The following MLLT6 variants were observed in gnomAD, a reference collection of about 807,000 sequenced individuals.
MLLT6 encodes protein AF-17.
Under a neutral mutation model 103.0 loss-of-function variants are expected in MLLT6, and 22 were observed. The observed-to-expected ratio is 0.21, with a 90% confidence interval of 0.15 to 0.31. The LOEUF (loss-of-function observed/expected upper bound fraction) is 0.31. MLLT6 is among the 10% of genes least tolerant of loss of function. The pLI is 1.00. For missense variants in MLLT6, 1,199 were observed against 1,441.7 expected (o/e 0.83, Z 2.73); for synonymous variants, 606 against 623.5 (o/e 0.97, Z 0.42).
chr17:38,715,891 G>A (rs1905320413), intron 9 of MLLT6, 63 bp downstream of exon 9: 2 of 1,407,284 alleles, frequency 1.4e-6, no homozygotes, highest in Non-Finnish European at 9.7e-7. Context: ...GAGCTTTTCT[G>A]GCAAGGGACT....
At position 38,716,754 on chromosome 17, in the gene MLLT6, G is replaced by A. The variant is rs746782158; in HGVS notation, c.1424G>A (p.Arg475His). Reference protein sequence around the residue: ...EKKHKASKRSRHGPGRPKGSR... With the variant: ...EKKHKASKRSHHGPGRPKGSR... ...AAGCACAAAGCCAGCAAGAGGAGCCGCCATGGGCCAGGCCGTCCCAAGGGC... is the reference window on the plus strand; with the variant it reads ...AAGCACAAAGCCAGCAAGAGGAGCCACCATGGGCCAGGCCGTCCCAAGGGC... Residue 475 changes from arginine (R) to histidine (H), a missense_variant, in exon 10 of 20, where the codon CGC becomes CAC. This residue lies in a region of MLLT6 where 1,034 missense variants were observed against 1,091.5 expected (regional missense o/e 0.95). Transcript: ENST00000621332. This position sits in a 1 kb window ranked among gnomAD's most constrained non-coding sequence, Gnocchi z 5.6. The A allele has an allele frequency of 6.8e-6, 11 of 1,608,402 alleles. No homozygotes were observed. Among genetic ancestry groups the A allele is most frequent in the Admixed American group, 5.1e-5 (3 of 59,072 alleles).
chr17:38,708,536 A>G (rs912809239), intron 4 of MLLT6, among the ~76,000 whole-genome samples: 2 of 152,178 alleles, frequency 1.3e-5, no homozygotes, highest in Non-Finnish European at 2.9e-5. Flanking sequence ...TTTCAGAGCT[A>G]ACCATCCAAG....
chr17:38,712,894 C>T, intron 8 of MLLT6, 105 bp downstream of exon 8: 2 of 807,410 alleles, frequency 2.5e-6, no homozygotes, highest in South Asian at 1.4e-5. Flanking sequence ...GCACCCTCCC[C>T]ACAGCTTCAA....
intron 16 of MLLT6, chr17:38,721,141 G>T: frequency 4.1e-6 from 1 of 243,996 alleles, no homozygotes; most frequent in Non-Finnish European, 8.0e-6. Context: ...TTATTATAGC[G>T]CCTCACACAA....
chr17:38,709,343 C>G lies in MLLT6; in HGVS notation c.458+67C>G. On this transcript the variant is annotated intron_variant, in intron 5 of 19. Transcript: ENST00000621332. This position sits in a 1 kb window ranked among gnomAD's most constrained non-coding sequence, Gnocchi z 4.3. ...TGGATGGCCACTGATCAGGCTCATC[C>G]TAGCTGCTGTCCCTTTGATGGTGGT... is the stretch of plus-strand genomic sequence containing the variant. 6.9e-7 allele frequency: 1 copy of G among 1,448,586 alleles called. No individual in the cohort carries two copies. Among genetic ancestry groups the G allele is most frequent in the Non-Finnish European group, 9.7e-7 (1 of 1,029,266 alleles). The allele number at this position is 1,448,586 out of a possible 1,614,324, so 89.7% of individuals were successfully genotyped here. A position where few individuals can be genotyped will look rare whatever the true frequency, so the allele number is the denominator to read the frequency against.
chr17:38,719,614 T>G, intron 13 of MLLT6, 31 bp downstream of exon 13: 1 of 1,586,666 alleles, frequency 6.3e-7, no homozygotes, highest in Non-Finnish European at 8.6e-7. Context: ...GAGGAGGGGC[T>G]GGGGGCAGGA....
rs1252021577 is a variant in MLLT6, at chr17:38,718,140, C to T, written c.1942+187C>T. ...CTGTAATCCCAGCACTTTGGGAGGC[C>T]GAGGCGGGTGGATCACCTGAGATCA... is the stretch of plus-strand genomic sequence containing the variant. On this transcript the variant is annotated intron_variant, in intron 12 of 19. Transcript: ENST00000621332. The T allele has an allele frequency of 6.0e-5, 30 of 502,536 alleles. No homozygotes were observed. The East Asian group carries it at 1.1e-3, about 18-fold the overall frequency. The allele number at this position is 502,536 out of a possible 1,614,324, so 31.1% of individuals were successfully genotyped here.
At position 38,722,764 on chromosome 17, in the gene MLLT6, C is replaced by T; in HGVS notation, c.2879C>T (p.Thr960Ile). Residue 960 changes from threonine (T) to isoleucine (I), a missense_variant, in exon 18 of 20, where the codon ACC (threonine) becomes ATC (isoleucine). Thr to Ile is a moderately conservative substitution (Grantham distance 89, BLOSUM62 -1). Coordinates refer to ENST00000621332, the MANE Select transcript of MLLT6 (RefSeq NM_005937.4). ...CAGCTCCTGGCCTCCCCGCAGCTGA[C>T]CCCGGTAATGCCCCTCCCTTCCCTG... ...LQQLLASPQLTPEHQTVVYQM... is the reference protein window; with the variant it reads ...LQQLLASPQLIPEHQTVVYQM... The T allele has an allele frequency of 6.2e-7, 1 of 1,608,736 alleles. No homozygotes were observed.
At chr17:38,720,342 C>T (rs925420507) in intron 14 of MLLT6, 30 bp from the exon 15 acceptor site, 38 of 1,566,870 alleles carry the variant, frequency 2.4e-5, no homozygotes, top group Non-Finnish European at 3.1e-5. Context: ...CCCCCTCGCC[C>T]CTCCCTCAGG....
chr17:38,728,612 G>A lies in MLLT6; in HGVS notation c.*3014G>A, dbSNP rs1270516178. 8.6e-6 allele frequency: 2 copies of A among 233,800 alleles called. No homozygotes were observed. Among genetic ancestry groups the A allele is most frequent in the Non-Finnish European group, 1.7e-5 (2 of 118,216 alleles). The allele number at this position is 233,800 out of a possible 1,614,324, so 14.5% of individuals were successfully genotyped here. ...CCAGCGCCAAAGGGACCTGTCTTTA[G>A]GGGTCATTTCAGCCAGCTCCTCCCA... On this transcript the variant is annotated 3_prime_UTR_variant, in exon 20 of 20. Transcript: ENST00000621332.
Position 38,729,470 on chromosome 17 carries a change from G to A in MLLT6, c.*3872G>A, listed in dbSNP as rs2143726504. On this transcript the variant is annotated 3_prime_UTR_variant, in exon 20 of 20. Transcript: ENST00000621332. Reference sequence around the variant, plus strand: ...TGTTCACTTTCTCCAGCTCAACTTGGGACTTGGGTGGTGGGACTGGAGACC... The same window carrying A: ...TGTTCACTTTCTCCAGCTCAACTTGAGACTTGGGTGGTGGGACTGGAGACC... 1 of 233,564 alleles carries A rather than the reference G, an allele frequency of 4.3e-6. No individual in the cohort carries two copies. The highest frequency in any genetic ancestry group is 1.8e-4 in the South Asian group (1 of 5,522). 14.5% of individuals were successfully genotyped at this position (233,564 alleles called of 1,614,324 possible).
At position 38,715,613 on chromosome 17, in the gene MLLT6, TCTC is replaced by T. The variant is rs755145223; in HGVS notation, c.828_830del (p.Ser277del). ...ACCTTCCTCTCTCCTCTCCTTCAGG[TCTC>T]CTCCTCGGCTTCCTCTTCCTCCCAC... On this transcript the variant is annotated inframe_deletion and splice_region_variant, in exon 9 of 20. Transcript: ENST00000621332. The T allele has an allele frequency of 7.5e-6, 12 of 1,610,540 alleles. No homozygotes were observed. Among genetic ancestry groups the T allele is most frequent in the African/African-American group, 2.7e-5 (2 of 74,802 alleles).
At chr17:38,722,565 T>C in intron 17 of MLLT6, 113 bp from the exon 18 acceptor site, 1 of 690,546 alleles carries the variant, frequency 1.4e-6, no homozygotes, top group South Asian at 1.7e-5. Context: ...CCTGCCTTGC[T>C]TCCCCTGGGT....
At position 38,728,629 on chromosome 17, in the gene MLLT6, C is replaced by G. The variant is rs1449521105; in HGVS notation, c.*3031C>G. 4.3e-6 allele frequency: 1 copy of G among 233,764 alleles called. No homozygotes were observed. Among genetic ancestry groups the G allele is most frequent in the African/African-American group, 2.2e-5 (1 of 45,350 alleles). The allele number at this position is 233,764 out of a possible 1,614,324, so 14.5% of individuals were successfully genotyped here. A position where few individuals can be genotyped will look rare whatever the true frequency, so the allele number is the denominator to read the frequency against. ...TGTCTTTAGGGGTCATTTCAGCCAG[C>G]TCCTCCCATCACAGATGACAGCTCC... On this transcript the variant is annotated 3_prime_UTR_variant, in exon 20 of 20. Coordinates refer to ENST00000621332, the MANE Select transcript of MLLT6 (RefSeq NM_005937.4).
Position 38,722,200 on chromosome 17 carries a change from C to T in MLLT6, c.2765C>T (p.Thr922Met), listed in dbSNP as rs935889985. The T allele has an allele frequency of 7.3e-6, 10 of 1,364,832 alleles. No homozygotes were observed. The highest frequency in any genetic ancestry group is 3.0e-5 in the East Asian group (1 of 33,636). The allele number at this position is 1,364,832 out of a possible 1,614,324, so 84.5% of individuals were successfully genotyped here. Residue 922 changes from threonine (T) to methionine (M), a missense_variant, in exon 17 of 20, where the codon ACG (threonine) becomes ATG (methionine). Physicochemically the swap from Thr to Met is moderately conservative, Grantham distance 81 (BLOSUM62 -1). This residue lies in a region of MLLT6 where 1,034 missense variants were observed against 1,091.5 expected (regional missense o/e 0.95). Coordinates refer to ENST00000621332, the MANE Select transcript of MLLT6 (RefSeq NM_005937.4). ...ASLSQAGGAP[T>M]LQLPGCLNSL... ...TTGAGCCAGGCTGGCGGGGCCCCCA[C>T]GCTGCAGCTGCCAGGCTGTCTCAAC...
In MLLT6 at chr17:38,719,766, C is replaced by T. The variant is rs762165842; in HGVS notation, c.2026C>T (p.Leu676Phe). The T allele has an allele frequency of 5.6e-6, 9 of 1,612,212 alleles. No homozygotes were observed. The highest frequency in any genetic ancestry group is 1.3e-5 in the African/African-American group (1 of 74,888). The change falls in exon 14 of 20, where the codon CTC (leucine) becomes TTC (phenylalanine). Residue 676 changes from leucine to phenylalanine, a missense_variant. Leu to Phe is a conservative substitution (Grantham distance 22, BLOSUM62 0). Coordinates refer to ENST00000621332, the MANE Select transcript of MLLT6 (RefSeq NM_005937.4). ...TGGCCGCAGGTCCCCCATCAGCAGC[C>T]TCCCCGCACTCTTCGACCAGACAGC... ...SLSSMSPISSLPALFDQTASA... is the reference protein window; with the variant it reads ...SLSSMSPISSFPALFDQTASA...
At chr17:38,714,173 G>A (rs1031804843) in intron 8 of MLLT6, 3 of 152,178 alleles carry the variant, frequency 2.0e-5, no homozygotes, top group African/African-American at 7.2e-5. Flanking sequence ...AATATATGAA[G>A]ATGATGGGGC....
In MLLT6 at chr17:38,726,708, T is replaced by C. The variant is rs896480193; in HGVS notation, c.*1110T>C. On this transcript the variant is annotated 3_prime_UTR_variant, in exon 20 of 20. Coordinates refer to ENST00000621332, the MANE Select transcript of MLLT6 (RefSeq NM_005937.4). ...CCTACCCCACTGATAGCTTCCTCCT[T>C]CTCTGGCACAAGGGGAGCCCCAGGG... is the stretch of plus-strand genomic sequence containing the variant. The C allele has an allele frequency of 3.0e-4, 70 of 233,386 alleles. No individual in the cohort carries two copies. The highest frequency in any genetic ancestry group is 5.1e-4 in the Non-Finnish European group (60 of 118,004). 14.5% of individuals were successfully genotyped at this position (233,386 alleles called of 1,614,324 possible). A position where few individuals can be genotyped will look rare whatever the true frequency, so the allele number is the denominator to read the frequency against.
Position 38,711,835 on chromosome 17 carries a change from T to C in MLLT6, c.553-12T>C, listed in dbSNP as rs775949585. On this transcript the variant is annotated splice_polypyrimidine_tract_variant and intron_variant, in intron 6 of 19. Coordinates refer to ENST00000621332, the MANE Select transcript of MLLT6 (RefSeq NM_005937.4). ...AAGAGGGTTTGCAATTTCTCTCAAA[T>C]CTCTCCCGCAGAAGACATCCCGGCA... 2.0e-6 allele frequency: 3 copies of C among 1,520,200 alleles called. No homozygotes were observed. The highest frequency in any genetic ancestry group is 2.7e-6 in the Non-Finnish European group (3 of 1,131,974). 94.2% of individuals were successfully genotyped at this position (1,520,200 alleles called of 1,614,324 possible).
Sources: allele counts gnomAD v4.1 joint callset (sites outside exome capture counted in the v4.1 genomes callset), GRCh38; gene constraint gnomAD v4.1.1; regional missense constraint gnomAD v4.1.1; non-coding constraint Gnocchi (gnomAD v3.1); transcripts MANE v1.5; gene names NCBI Gene and HGNC (gene_info 2026-07-23, HGNC 2026-07-21).